The following RASSF2 variants were observed in gnomAD, a reference collection of about 807,000 sequenced individuals.
The protein encoded by RASSF2 is Ras association domain family member 2.
In RASSF2, 34 loss-of-function variants were observed where a neutral mutation model predicts 46.3. The ratio of observed to expected loss-of-function variants is 0.73; its 90% CI spans 0.56 to 0.98. RASSF2 has a LOEUF of 0.98. Ranked by LOEUF, RASSF2 falls within the 50% of genes least tolerant of loss-of-function variation. RASSF2 has a pLI of 0.00. For missense variants in RASSF2, 364 were observed against 431.2 expected (o/e 0.84, Z 1.38); for synonymous variants, 158 against 162.5 (o/e 0.97, Z 0.21).
At chr20:4,794,184 G>A (rs1427275786) in intron 5 of RASSF2, among the ~76,000 whole-genome samples, 1 of 152,152 alleles carries the variant, frequency 6.6e-6, no homozygotes, top group Non-Finnish European at 1.5e-5. Context: ...CAGCACGTTG[G>A]GAAGTCAAGG....
At position 4,795,819 on chromosome 20, in the gene RASSF2, G is replaced by A. The variant is rs1277191942; in HGVS notation, c.283C>T (p.Gln95Ter). 4 of 1,609,820 alleles carry A rather than the reference G, an allele frequency of 2.5e-6. No homozygotes were observed. In the South Asian group the frequency reaches 4.4e-5, roughly 18 times the overall value. ...GCCCCGTCTCTCCTCACTCACCCCT[G>A]AGCCCCCAGGTTACAGCCAGAGTGC... ...SWHSGCNLGA[Q>*]GTTLKPLTVP... Residue 95 changes from glutamine (Q) to a stop codon, truncating the protein, a stop_gained, in exon 5 of 12, where the codon CAG becomes TAG. Transcript: ENST00000379400. LOFTEE classifies it high-confidence loss of function. This position sits in a 1 kb window ranked among gnomAD's most constrained non-coding sequence, Gnocchi z 4.0.
chr20:4,784,225 T>C lies in RASSF2; in HGVS notation c.*48A>G. On this transcript the variant is annotated 3_prime_UTR_variant, in exon 12 of 12. Transcript: ENST00000379400. ...AGTGCCTAGCTTCCTGGGGGTCTTA[T>C]GGGCAATGGCGGTTCCTGGGGTGCC... 2.6e-6 allele frequency: 4 copies of C among 1,551,656 alleles called. No homozygotes were observed. Among genetic ancestry groups the C allele is most frequent in the African/African-American group, 1.4e-5 (1 of 73,602 alleles).
intron 3 of RASSF2, among the ~76,000 whole-genome samples, chr20:4,800,371 G>A (rs991522139): frequency 2.0e-5 from 3 of 152,128 alleles, no homozygotes; most frequent in Non-Finnish European, 2.9e-5. Context: ...CTGGCTGCCG[G>A]ACCATAGACT....
intron 8 of RASSF2, 66 bp from the exon 9 acceptor site, chr20:4,788,334 C>T: frequency 6.8e-7 from 1 of 1,466,562 alleles, no homozygotes; most frequent in South Asian, 1.1e-5. Flanking sequence ...CGAGGCTTTT[C>T]CTCTTCTTTA....
chr20:4,791,523 G>C (rs1925876709), intron 6 of RASSF2, among the ~76,000 whole-genome samples: 1 of 152,292 alleles, frequency 6.6e-6, no homozygotes, highest in South Asian at 2.1e-4. Context: ...ATCCTTGTAT[G>C]TGTATAAATA....
intron 2 of RASSF2, among the ~76,000 whole-genome samples, chr20:4,807,225 TACTCCTTCC>T (rs1412676492): frequency 6.6e-6 from 1 of 151,924 alleles, no homozygotes; most frequent in Non-Finnish European, 1.5e-5. Flanking sequence ...ATCGCTAGCT[TACTCCTTCC>T]ACCAAAAGAA....
chr20:4,785,260 G>T (rs1161335839), intron 11 of RASSF2, among the ~76,000 whole-genome samples: 2 of 151,990 alleles, frequency 1.3e-5, no homozygotes, highest in Non-Finnish European at 2.9e-5. Flanking sequence ...AATCACTTGA[G>T]TCTGGGAGGT....
Position 4,790,902 on chromosome 20 carries a change from G to A in RASSF2, c.377-291C>T, listed in dbSNP as rs1295398646. On this transcript the variant is annotated intron_variant, in intron 6 of 11. Coordinates refer to ENST00000379400, the MANE Select transcript of RASSF2 (RefSeq NM_014737.3). The surrounding 1 kb of genome is among the most constrained non-coding windows in gnomAD (Gnocchi z 4.3). ...CTCGGTGCTTTTATATATAAAATAG[G>A]GATAATAATAACACCCACCTCAGAG... 2.6e-5 allele frequency among the ~76,000 whole-genome samples: 4 copies of A among 152,078 alleles called. No individual in the cohort carries two copies. In the East Asian group the frequency reaches 5.8e-4, roughly 22 times the overall value.
In RASSF2 at chr20:4,801,025, G is replaced by A. The variant is rs73893835; in HGVS notation, c.6C>T (p.Asp2=). 845 of 1,613,826 alleles carry A rather than the reference G, an allele frequency of 5.2e-4. 1 individual carries two copies. The African/African-American group carries it at 0.01, about 19-fold the overall frequency. Residue 2 remains aspartate (D), a synonymous_variant, in exon 3 of 12, where the codon GAC becomes GAT. Transcript: ENST00000379400. The stretch of plus-strand genomic sequence containing the variant: ...GGACTAGGGACGTTTGGTGGCTGTA[G>A]TCCATTCTTCCTTTCTCTTTTCATC... M[D]YSHQTSLVPC... is the part of the protein sequence containing the mutation.
At chr20:4,808,823 A>G (rs1367566675) in intron 2 of RASSF2, among the ~76,000 whole-genome samples, 3 of 152,236 alleles carry the variant, frequency 2.0e-5, no homozygotes, top group Admixed American at 1.3e-4. Flanking sequence ...AGTCTAAAAC[A>G]TATTTAAATC....
intron 8 of RASSF2, among the ~76,000 whole-genome samples, chr20:4,788,597 A>T (rs1324621029): frequency 6.6e-6 from 1 of 152,240 alleles, no homozygotes; most frequent in African/African-American, 2.4e-5. Context: ...TATATAGCCT[A>T]TTGCTCCTAG....
rs192179682 is a variant in RASSF2, at chr20:4,780,416, C to T, written c.*3857G>A. ...AAACACAAGGGGCGCTTCAACACCC[C>T]CCTTGTGATAGGGCAGAGCTTTCTA... On this transcript the variant is annotated 3_prime_UTR_variant, in exon 12 of 12. Coordinates refer to ENST00000379400, the MANE Select transcript of RASSF2 (RefSeq NM_014737.3). The T allele has an allele frequency of 6.6e-6, 1 of 152,306 alleles. No individual in the cohort carries two copies. The highest frequency in any genetic ancestry group is 2.4e-5 in the African/African-American group (1 of 41,560). 9.4% of individuals were successfully genotyped at this position (152,306 alleles called of 1,614,324 possible). A position where few individuals can be genotyped will look rare whatever the true frequency, so the allele number is the denominator to read the frequency against.
chr20:4,800,447 G>A (rs144167620), intron 3 of RASSF2, among the ~76,000 whole-genome samples: 6 of 152,232 alleles, frequency 3.9e-5, no homozygotes, highest in Admixed American at 2.6e-4. Flanking sequence ...CCAACGTCAG[G>A]GTAGAGTCAG....
chr20:4,799,336 G>A (rs973002407), intron 3 of RASSF2, among the ~76,000 whole-genome samples: 10 of 152,154 alleles, frequency 6.6e-5, no homozygotes, highest in African/African-American at 2.4e-4. Context: ...TCAACCCTGA[G>A]AATGCACAAG....
At chr20:4,802,917 T>A (rs1010395049) in intron 2 of RASSF2, among the ~76,000 whole-genome samples, 210 of 147,676 alleles carry the variant, frequency 1.4e-3, no homozygotes, top group Admixed American at 4.9e-3. Flanking sequence ...TATATATATT[T>A]TTTTTTTTTG....
chr20:4,820,517 A>G (rs1255080797), intron 2 of RASSF2, among the ~76,000 whole-genome samples: 2 of 151,672 alleles, frequency 1.3e-5, no homozygotes, highest in Non-Finnish European at 2.9e-5. Context: ...GTCAAAAAAT[A>G]ATAATAATAA....
chr20:4,823,393 G>T (rs1224401774), intron 1 of RASSF2, among the ~76,000 whole-genome samples, 164 bp downstream of exon 1: 1 of 152,082 alleles, frequency 6.6e-6, no homozygotes, highest in Non-Finnish European at 1.5e-5. Context: ...CGGCTGGGGG[G>T]CTGCTTCAGC....
chr20:4,780,097 G>A lies in RASSF2; in HGVS notation c.*4176C>T, dbSNP rs556633268. On this transcript the variant is annotated 3_prime_UTR_variant, in exon 12 of 12. Transcript: ENST00000379400. ...AAACATATCAAAATGTTACAAAAAT[G>A]TATGGCTCCCTTGCTGAGGCCCTGT... is the stretch of plus-strand genomic sequence containing the variant. The A allele has an allele frequency of 6.6e-6, 1 of 152,500 alleles. No individual in the cohort carries two copies. The highest frequency in any genetic ancestry group is 2.4e-5 in the African/African-American group (1 of 41,446). The allele number at this position is 152,500 out of a possible 1,614,324, so 9.4% of individuals were successfully genotyped here.
chr20:4,823,125 G>A (rs1462214548), intron 1 of RASSF2, among the ~76,000 whole-genome samples: 2 of 152,046 alleles, frequency 1.3e-5, no homozygotes, highest in African/African-American at 2.4e-5. Flanking sequence ...GCGGCTCGGG[G>A]AGGAAAGAGG....
Sources: gnomAD v4.1 joint callset for allele counts (sites outside exome capture counted in the v4.1 genomes callset) on GRCh38, gnomAD v4.1.1 for gene constraint, Gnocchi (gnomAD v3.1) non-coding constraint, MANE v1.5 for transcripts, NCBI Gene and HGNC (gene_info 2026-07-23, HGNC 2026-07-21) for gene names.